Variants in ITGA2B observed in about 807,000 individuals in gnomAD.
The protein encoded by ITGA2B is integrin alpha-IIb.
In ITGA2B, 91 loss-of-function variants were observed where a neutral mutation model predicts 142.0. That is an observed-to-expected ratio of 0.64 (90% CI 0.54 to 0.76). The LOEUF is 0.76. ITGA2B is among the 30% of genes least tolerant of loss of function. The pLI is 0.00. For synonymous variants in ITGA2B, 536 were observed against 567.2 expected, an observed-to-expected ratio of 0.94 and a Z score of 0.78; for missense variants, 1,231 against 1,350.8, an observed-to-expected ratio of 0.91 and a Z score of 1.39.
rs2048680980 is a variant in ITGA2B at position 44,389,596 on chromosome 17, C to A, written c.-123G>T. ...CCCAAGTAACTTGCTGAGCAACGGG[C>A]AGAGCAAAGGGCTATAGCCCCTGGA... On this transcript the variant is annotated 5_prime_UTR_variant, in exon 1 of 30. Transcript: ENST00000262407. 7.2e-6 allele frequency: 8 copies of A among 1,113,448 alleles called. No homozygotes were observed. The highest frequency in any genetic ancestry group is 1.0e-5 in the Non-Finnish European group (8 of 765,514). 69.0% of individuals were successfully genotyped at this position (1,113,448 alleles called of 1,614,324 possible).
rs1007136601 is a variant in ITGA2B, at chr17:44,372,282, A to G, written c.*82T>C. 15 of 1,457,444 alleles carry G rather than the reference A, an allele frequency of 1.0e-5. No homozygotes were observed. In the African/African-American group the frequency reaches 2.0e-4, roughly 19 times the overall value. The allele number at this position is 1,457,444 out of a possible 1,614,324, so 90.3% of individuals were successfully genotyped here. A position where few individuals can be genotyped will look rare whatever the true frequency, so the allele number is the denominator to read the frequency against. On this transcript the variant is annotated 3_prime_UTR_variant, in exon 30 of 30. Coordinates refer to ENST00000262407, the MANE Select transcript of ITGA2B (RefSeq NM_000419.5). ...GACCCAATGGAACAGCTCCAACCCA[A>G]AGCTTGGAGGCAACTTGTTGGAGAA...
At chr17:44,387,826 C>CAAAAAAA (rs980395817) in intron 1 of ITGA2B, among the ~76,000 whole-genome samples, 57 of 24,420 alleles carry the variant, frequency 2.3e-3, no homozygotes, top group African/African-American at 2.5e-3. Flanking sequence ...AACCCCATCT[C>CAAAAAAA]AAAAAAAAAA....
Position 44,379,722 on chromosome 17 carries a change from G to A in ITGA2B, c.1845C>T (p.Val615=), listed in dbSNP as rs199556555. ...GCACATGGGTGTCTCCATGCAGCAC[G>A]ACAGCAGGGGCCATTCCAGCCTCCG... is the stretch of plus-strand genomic sequence containing the variant. ...PPTEAGMAPA[V]VLHGDTHVQE... is the part of the protein sequence containing the mutation. Residue 615 remains valine (V), a synonymous_variant, in exon 18 of 30, where the codon GTC becomes GTT. Coordinates refer to ENST00000262407, the MANE Select transcript of ITGA2B (RefSeq NM_000419.5). 2.0e-5 allele frequency: 32 copies of A among 1,613,718 alleles called. No homozygotes were observed. Among genetic ancestry groups the A allele is most frequent in the South Asian group, 4.4e-5 (4 of 91,070 alleles).
At chr17:44,376,045 A>G (rs751614706) in intron 24 of ITGA2B, 40 bp downstream of exon 24, 17 of 1,613,388 alleles carry the variant, frequency 1.1e-5, no homozygotes, top group Non-Finnish European at 1.4e-5. Flanking sequence ...AGTTCTGAGG[A>G]CCCGCTCACC....
chr17:44,374,305 G>C (rs773552765), intron 29 of ITGA2B, 49 bp downstream of exon 29: 1 of 1,534,886 alleles, frequency 6.5e-7, no homozygotes, highest in Non-Finnish European at 9.0e-7. Flanking sequence ...AGGCAGGGCA[G>C]AGCCAAGCCT....
chr17:44,387,596 C>A (rs550114909), intron 1 of ITGA2B, among the ~76,000 whole-genome samples: 1 of 151,312 alleles, frequency 6.6e-6, no homozygotes, highest in African/African-American at 2.4e-5. Flanking sequence ...GAGGCCAAGG[C>A]GGGTGGATCA....
intron 12 of ITGA2B, 135 bp downstream of exon 12, chr17:44,383,358 A>G (rs140026624): frequency 7.4e-6 from 6 of 807,336 alleles, no homozygotes; most frequent in Non-Finnish European, 1.2e-5. Flanking sequence ...CTCTCCACTC[A>G]GCACCCCATG....
intron 27 of ITGA2B, 99 bp downstream of exon 27, chr17:44,374,899 C>T (rs902937721): frequency 1.6e-6 from 2 of 1,276,994 alleles, no homozygotes; most frequent in Non-Finnish European, 2.2e-6. Context: ...ACCTTGCCTT[C>T]CCTCTCTTCC....
intron 1 of ITGA2B, 139 bp from the exon 2 acceptor site, chr17:44,386,270 A>C: frequency 4.0e-6 from 5 of 1,260,022 alleles, no homozygotes; most frequent in Non-Finnish European, 4.4e-6. Context: ...CTCACAGACC[A>C]CCGTGATGTA....
In ITGA2B at chr17:44,375,685, G is replaced by C; in HGVS notation, c.2633C>G (p.Ser878Cys). 2 of 1,602,084 alleles carry C rather than the reference G, an allele frequency of 1.2e-6. No homozygotes were observed. Among genetic ancestry groups the C allele is most frequent in the Non-Finnish European group, 1.7e-6 (2 of 1,174,704 alleles). ...CTTGTGATGGGCCGGGTGAATGGGG[G>C]AGGGGCTGGGGATGGGCAGCCCCCA... ...VDWGLPIPSP[S>C]PIHPAHHKRD... The change falls in exon 26 of 30, where the codon TCC becomes TGC. Residue 878 changes from serine (S) to cysteine (C), a missense_variant. By Grantham distance (112) the Ser-to-Cys change is moderately radical (BLOSUM62 -1). Coordinates refer to ENST00000262407, the MANE Select transcript of ITGA2B (RefSeq NM_000419.5).
At position 44,387,530 on chromosome 17, in the gene ITGA2B, AAAG is replaced by A. The variant is rs1266821003; in HGVS notation, c.189-1402_189-1400del. Among the ~76,000 whole-genome samples, 11 of 150,664 alleles carry A rather than the reference AAAG, an allele frequency of 7.3e-5. 1 individual carries two copies. Among genetic ancestry groups the A allele is most frequent in the Admixed American group, 4.6e-4 (7 of 15,168 alleles). On this transcript the variant is annotated intron_variant, in intron 1 of 29. Transcript: ENST00000262407. ...GAGAGCGAAACTCCATCTCAAAAAA[AAAG>A]AAGAAAAAAAGTCTGGGCATGGTGG... is the stretch of plus-strand genomic sequence containing the variant.
chr17:44,377,841 A>ATG, intron 20 of ITGA2B, 51 bp from the exon 21 acceptor site: 3 of 1,091,032 alleles, frequency 2.7e-6, no homozygotes, highest in South Asian at 1.2e-5. Flanking sequence ...ATATATATAT[A>ATG]TTTAAGCTCC....
At position 44,378,526 on chromosome 17, in the gene ITGA2B, G is replaced by A. The variant is rs1024866225; in HGVS notation, c.1947-17C>T. 5 of 1,613,276 alleles carry A rather than the reference G, an allele frequency of 3.1e-6. No individual in the cohort carries two copies. The highest frequency in any genetic ancestry group is 1.1e-5 in the South Asian group (1 of 90,774). ...GAGCCCGTCCTGTGGGGAAAGAGGA[G>A]TGAAGCCAGGGAGCCTGGGTCTGGG... On this transcript the variant is annotated splice_polypyrimidine_tract_variant and intron_variant, in intron 19 of 29. Coordinates refer to ENST00000262407, the MANE Select transcript of ITGA2B (RefSeq NM_000419.5).
At position 44,375,826 on chromosome 17, in the gene ITGA2B, C is replaced by T. The variant is rs202154699; in HGVS notation, c.2601+7G>A. The stretch of plus-strand genomic sequence containing the variant: ...CTTCCCAGGTCTTTCTTCCACCCAG[C>T]TCTTACCTTGAGAGGGTTGACAGGA... On this transcript the variant is annotated splice_region_variant and intron_variant, in intron 25 of 29. Transcript: ENST00000262407. 1 of 1,571,882 alleles carries T rather than the reference C, an allele frequency of 6.4e-7. No individual in the cohort carries two copies. Among genetic ancestry groups the T allele is most frequent in the Non-Finnish European group, 8.6e-7 (1 of 1,157,886 alleles).
At chr17:44,378,273 G>T in intron 20 of ITGA2B, 89 bp downstream of exon 20, 1 of 1,479,332 alleles carries the variant, frequency 6.8e-7, no homozygotes. Flanking sequence ...AAGCAGAAGA[G>T]AAGAGGGACT....
intron 21 of ITGA2B, 110 bp from the exon 22 acceptor site, chr17:44,377,198 C>CTT (rs373144079): frequency 1.1e-3 from 746 of 700,692 alleles, no homozygotes; most frequent in Non-Finnish European, 1.4e-3. Context: ...TATTCTTTTT[C>CTT]TTTTTTTTTT....
chr17:44,384,045 C>G (rs1465165583), intron 10 of ITGA2B, 40 bp downstream of exon 10: 1 of 1,613,650 alleles, frequency 6.2e-7, no homozygotes, highest in African/African-American at 1.3e-5. Flanking sequence ...GTCTCAGTTC[C>G]CCCTCCACCC....
In ITGA2B at chr17:44,380,105, C is replaced by T. The variant is rs779375400; in HGVS notation, c.1649G>A (p.Arg550Gln). 37 of 1,613,852 alleles carry T rather than the reference C, an allele frequency of 2.3e-5. No individual in the cohort carries two copies. The highest frequency in any genetic ancestry group is 6.7e-5 in the African/African-American group (5 of 74,898). The change falls in exon 17 of 30, where the codon CGG becomes CAG. Residue 550 changes from arginine (R) to glutamine (Q), a missense_variant. Physicochemically the swap from Arg to Gln is conservative, Grantham distance 43. Transcript: ENST00000262407. ...TTGAGAGCCCAGCAGCAGCACCCGC[C>T]GGCCCTGGCGGGGCTTCTGCCGGTC... ...QLDRQKPRQG[R>Q]RVLLLGSQQA...
chr17:44,377,675 G>C, intron 21 of ITGA2B, 23 bp downstream of exon 21: 1 of 1,591,850 alleles, frequency 6.3e-7, no homozygotes, highest in East Asian at 2.2e-5. Flanking sequence ...TGGAGACCCG[G>C]TACCACGACC....
Sources: gnomAD v4.1 joint callset for allele counts (sites outside exome capture counted in the v4.1 genomes callset) on GRCh38, gnomAD v4.1.1 for gene constraint, MANE v1.5 for transcripts, NCBI Gene and HGNC (gene_info 2026-07-23, HGNC 2026-07-21) for gene names.